Variants in EPGN observed in about 807,000 individuals in gnomAD.
The protein encoded by EPGN is epithelial mitogen.
In EPGN, 21 loss-of-function variants were observed where a neutral mutation model predicts 20.7. The ratio of observed to expected loss-of-function variants is 1.01; its 90% CI spans 0.72 to 1.46. EPGN has a LOEUF of 1.46. EPGN is among the 40% of genes most tolerant of loss of function. EPGN has a pLI of 0.00. For synonymous variants in EPGN, 69 were observed against 63.8 expected (o/e 1.08, Z -0.39); for missense variants, 199 against 180.7 (o/e 1.10, Z -0.58).
intron 2 of EPGN, among the ~76,000 whole-genome samples, chr4:74,311,039 T>C (rs888978956): frequency 6.6e-6 from 1 of 152,188 alleles, no homozygotes; most frequent in East Asian, 1.9e-4. Flanking sequence ...ACTTTAATTT[T>C]TCCTTTTGTT....
At chr4:74,310,479 A>AG (rs1420497860) in intron 2 of EPGN, among the ~76,000 whole-genome samples, 1 of 151,360 alleles carries the variant, frequency 6.6e-6, no homozygotes, top group Admixed American at 6.6e-5. Context: ...AAAAAAAAAA[A>AG]AAAAAAGAAG....
intron 2 of EPGN, 126 bp from the exon 3 acceptor site, chr4:74,312,059 A>T (rs935984535): frequency 3.0e-6 from 3 of 1,015,078 alleles, no homozygotes; most frequent in Non-Finnish European, 2.8e-6. Context: ...GAGAATCAAT[A>T]GTTTAAAGGA....
intron 2 of EPGN, among the ~76,000 whole-genome samples, chr4:74,310,950 C>A (rs553742644): frequency 2.6e-5 from 4 of 152,154 alleles, no homozygotes; most frequent in Admixed American, 2.6e-4. Flanking sequence ...TTGGTTGAAT[C>A]CACAGATGTG....
At chr4:74,311,263 T>C (rs1379788500) in intron 2 of EPGN, among the ~76,000 whole-genome samples, 2 of 152,098 alleles carry the variant, frequency 1.3e-5, no homozygotes, top group African/African-American at 4.8e-5. Context: ...CAGTTTATAA[T>C]GGAAAATTCT....
At position 74,309,124 on chromosome 4, in the gene EPGN, G is replaced by A; in HGVS notation, c.75G>A (p.Val25=). 3 of 1,613,568 alleles carry A rather than the reference G, an allele frequency of 1.9e-6. No homozygotes were observed. The highest frequency in any genetic ancestry group is 2.5e-6 in the Non-Finnish European group (3 of 1,179,634). ...AMTALTEEAA[V]TVTPPITAQQ... ...CAGCACTGACCGAAGAGGCAGCCGTGACTGTAACACCTCCAATCACAGCCC... is the reference window on the plus strand; with the variant it reads ...CAGCACTGACCGAAGAGGCAGCCGTAACTGTAACACCTCCAATCACAGCCC... Residue 25 remains valine, a synonymous_variant, in exon 2 of 5, where the codon GTG becomes GTA. Transcript: ENST00000413830.
At chr4:74,313,777 T>TA in intron 4 of EPGN, among the ~76,000 whole-genome samples, 1 of 152,292 alleles carries the variant, frequency 6.6e-6, no homozygotes, top group South Asian at 2.1e-4. Context: ...GTAACTAGGA[T>TA]AAAGTCAAGA....
intron 2 of EPGN, 122 bp downstream of exon 2, chr4:74,309,304 C>G: frequency 1.5e-6 from 1 of 650,396 alleles, no homozygotes; most frequent in Non-Finnish European, 2.5e-6. Flanking sequence ...ATAATCAGCT[C>G]TTTTAGCAGG....
At position 74,315,202 on chromosome 4, in the gene EPGN, C is replaced by T. The variant is rs1489794084; in HGVS notation, c.*565C>T. 6.5e-6 allele frequency: 1 copy of T among 152,878 alleles called. No individual in the cohort carries two copies. The highest frequency in any genetic ancestry group is 1.5e-5 in the Non-Finnish European group (1 of 68,652). 9.5% of individuals were successfully genotyped at this position (152,878 alleles called of 1,614,324 possible). A position where few individuals can be genotyped will look rare whatever the true frequency, so the allele number is the denominator to read the frequency against. On this transcript the variant is annotated 3_prime_UTR_variant, in exon 5 of 5. Transcript: ENST00000413830. Reference sequence around the variant, plus strand: ...CCAAACATGTGTCTTAAATCTAAGCCACTGAAAACAGAAGGGAATGTCCAA... The same window carrying T: ...CCAAACATGTGTCTTAAATCTAAGCTACTGAAAACAGAAGGGAATGTCCAA...
intron 4 of EPGN, 96 bp downstream of exon 4, chr4:74,313,266 T>A: frequency 7.0e-7 from 1 of 1,430,684 alleles, no homozygotes; most frequent in African/African-American, 1.5e-5. Context: ...ACATGTAAAA[T>A]TTTTTTAATT....
At chr4:74,314,460 T>C (rs970044215) in intron 4 of EPGN, 120 bp from the exon 5 acceptor site, 7 of 943,390 alleles carry the variant, frequency 7.4e-6, no homozygotes, top group Non-Finnish European at 1.1e-5. Context: ...GGTTGACCAA[T>C]GGGTAAAGGG....
chr4:74,311,765 A>C (rs1025163320), intron 2 of EPGN, among the ~76,000 whole-genome samples: 2 of 152,198 alleles, frequency 1.3e-5, no homozygotes, highest in Non-Finnish European at 2.9e-5. Flanking sequence ...AAATCTTCGC[A>C]AGTGCTGACT....
In EPGN at chr4:74,315,818, G is replaced by T. The variant is rs1330732184; in HGVS notation, c.*1181G>T. ...AATACAAAAATTAGCTGGGCGTGGT[G>T]GTGCATGCCTGTAATCCCAGCTACT... On this transcript the variant is annotated 3_prime_UTR_variant, in exon 5 of 5. Coordinates refer to ENST00000413830, the MANE Select transcript of EPGN (RefSeq NM_001270989.2). Among the ~76,000 whole-genome samples the T allele has an allele frequency of 1.3e-5, 2 of 151,842 alleles. No individual in the cohort carries two copies. Among genetic ancestry groups the T allele is most frequent in the African/African-American group, 2.4e-5 (1 of 41,306 alleles).
intron 1 of EPGN, among the ~76,000 whole-genome samples, chr4:74,308,815 A>T (rs7697394): frequency 0.11 from 16,606 of 152,110 alleles, 2,341 homozygotes; most frequent in African/African-American, 0.33. Flanking sequence ...AGAGTAATTG[A>T]TACATTTAGC....
rs963733241 is a variant in EPGN, at chr4:74,314,633, T to C, written c.461T>C (p.Leu154Pro). 6 of 1,535,970 alleles carry C rather than the reference T, an allele frequency of 3.9e-6. No individual in the cohort carries two copies. Among genetic ancestry groups the C allele is most frequent in the Non-Finnish European group, 5.2e-6 (6 of 1,146,784 alleles). ...GTCTGTTCTGGAGAAAGACGACCACTGTGAGGCCTTTGTGAAGAATTTTCA... is the reference window on the plus strand; with the variant it reads ...GTCTGTTCTGGAGAAAGACGACCACCGTGAGGCCTTTGTGAAGAATTTTCA... ...YNVCSGERRP[L>P] The change falls in exon 5 of 5, where the codon CTG becomes CCG. Residue 154 changes from leucine to proline, a missense_variant. Physicochemically the swap from Leu to Pro is moderately conservative, Grantham distance 98. Coordinates refer to ENST00000413830, the MANE Select transcript of EPGN (RefSeq NM_001270989.2).
Position 74,312,275 on chromosome 4 carries a change from T to A in EPGN, c.224T>A (p.Phe75Tyr). 6.2e-7 allele frequency: 1 copy of A among 1,612,528 alleles called. No individual in the cohort carries two copies. The highest frequency in any genetic ancestry group is 8.5e-7 in the Non-Finnish European group (1 of 1,179,364). Residue 75 changes from phenylalanine (F) to tyrosine (Y), a missense_variant, in exon 3 of 5, where the codon TTC becomes TAC. Physicochemically the swap from Phe to Tyr is conservative, Grantham distance 22 (BLOSUM62 3). Transcript: ENST00000413830. ...TACTGCATCAACGGTGCTTGTGCAT[T>A]CCACCATGAGCTAGAGAAAGCCATC... ...NSYCINGACA[F>Y]HHELEKAICR... is the part of the protein sequence containing the mutation.
intron 2 of EPGN, 73 bp from the exon 3 acceptor site, chr4:74,312,112 T>C (rs572815446): frequency 1.4e-6 from 2 of 1,479,474 alleles, no homozygotes; most frequent in East Asian, 4.7e-5. Flanking sequence ...AAAATTTATT[T>C]ACATATGTAT....
chr4:74,311,547 T>G (rs1222761239), intron 2 of EPGN, among the ~76,000 whole-genome samples: 1 of 152,202 alleles, frequency 6.6e-6, no homozygotes, highest in Non-Finnish European at 1.5e-5. Context: ...AATATGTTTA[T>G]TTATAAAAAT....
Position 74,316,431 on chromosome 4 carries a change from C to A in EPGN, c.*1794C>A, listed in dbSNP as rs1024548250. On this transcript the variant is annotated 3_prime_UTR_variant, in exon 5 of 5. Coordinates refer to ENST00000413830, the MANE Select transcript of EPGN (RefSeq NM_001270989.2). ...CTTGCAATGGCAGTCCAGCAACAAG[C>A]CTTTCATTTACATTAAATTATAACT... 6.6e-6 allele frequency among the ~76,000 whole-genome samples: 1 copy of A among 152,076 alleles called. No homozygotes were observed. The highest frequency in any genetic ancestry group is 2.4e-5 in the African/African-American group (1 of 41,418).
rs1416443064 is a variant in EPGN at position 74,316,751 on chromosome 4, T to A, written c.*2114T>A. ...TGGGAAGAAACAATACAGGATTGCC[T>A]TTAATTAATTAAGAATTGCCTCCTG... On this transcript the variant is annotated 3_prime_UTR_variant, in exon 5 of 5. Transcript: ENST00000413830. Among the ~76,000 whole-genome samples, 4 of 152,282 alleles carry A rather than the reference T, an allele frequency of 2.6e-5. No homozygotes were observed. The East Asian group carries it at 7.7e-4, about 29-fold the overall frequency.
Sources: allele counts gnomAD v4.1 joint callset (sites outside exome capture counted in the v4.1 genomes callset), GRCh38; gene constraint gnomAD v4.1.1; transcripts MANE v1.5; gene names NCBI Gene and HGNC (gene_info 2026-07-23, HGNC 2026-07-21).